DMD: variants seen among roughly 807,000 people sequenced by gnomAD.
DMD encodes mutant dystrophin.
DMD carries 63 observed loss-of-function variants against 330.1 expected under a neutral mutation model. That is an observed-to-expected ratio of 0.19 (90% CI 0.16 to 0.24). The LOEUF (loss-of-function observed/expected upper bound fraction) is 0.24. Among genes scored for constraint, DMD ranks in the 10% least tolerant of loss-of-function variants. The pLI, the probability that DMD is intolerant of heterozygous loss-of-function variation, is 1.00. For missense variants in DMD, 3,344 were observed against 2,684.1 expected (o/e 1.25, Z -5.43); for synonymous variants, 1,223 against 959.8 (o/e 1.27, Z -5.07).
intron 1 of DMD, among the ~76,000 whole-genome samples, chrX:33,261,519 G>A (rs2052954715): frequency 9.2e-6 from 1 of 109,239 alleles, no homozygotes; most frequent in Admixed American, 9.9e-5. Flanking sequence ...TATGGCAAAA[G>A]TTCACCCAGC....
chrX:31,895,317 G>C (rs2094316441), intron 47 of DMD, among the ~76,000 whole-genome samples: 1 of 112,042 alleles, frequency 8.9e-6, no homozygotes, highest in African/African-American at 3.2e-5. Context: ...GTTGGCTCAA[G>C]CTTGACAGTG....
intron 5 of DMD, among the ~76,000 whole-genome samples, chrX:32,823,060 A>T (rs2078406394): frequency 8.9e-6 from 1 of 111,732 alleles, no homozygotes; most frequent in Non-Finnish European, 1.9e-5. Context: ...TTTACCTTAT[A>T]CTTACTCAAT....
intron 44 of DMD, among the ~76,000 whole-genome samples, chrX:31,976,134 T>G (rs925974822): frequency 9.1e-6 from 1 of 109,892 alleles, no homozygotes; most frequent in Non-Finnish European, 1.9e-5. Flanking sequence ...GTAGTTAAAG[T>G]GAGGAAAGAT....
At chrX:32,753,756 C>A (rs2071126705) in intron 7 of DMD, among the ~76,000 whole-genome samples, 1 of 112,056 alleles carries the variant, frequency 8.9e-6, no homozygotes, top group Non-Finnish European at 1.9e-5. Flanking sequence ...ATTTATAATA[C>A]AATGTTAGTT....
chrX:32,398,848 A>C (rs2098065383), intron 30 of DMD, among the ~76,000 whole-genome samples: 1 of 111,798 alleles, frequency 8.9e-6, no homozygotes, highest in Non-Finnish European at 1.9e-5. Flanking sequence ...ATTATACTAC[A>C]CAGCTATAGT....
chrX:33,254,137 G>T (rs1437024684), intron 1 of DMD, among the ~76,000 whole-genome samples: 1 of 104,710 alleles, frequency 9.6e-6, no homozygotes, highest in Admixed American at 9.9e-5. Context: ...CGATATTCTT[G>T]CCAGTTTATA....
At chrX:31,760,140 T>C (rs2089458327) in intron 51 of DMD, among the ~76,000 whole-genome samples, 1 of 112,248 alleles carries the variant, frequency 8.9e-6, no homozygotes, top group Non-Finnish European at 1.9e-5. Context: ...TTTGACCTTT[T>C]CATGAGGATC....
At chrX:32,301,344 T>C (rs760947341) in intron 42 of DMD, among the ~76,000 whole-genome samples, 1 of 110,468 alleles carries the variant, frequency 9.1e-6, no homozygotes, top group Admixed American at 9.7e-5. Context: ...CTGATAACAC[T>C]ATTTAATTTT....
Position 31,709,465 on chromosome X carries a change from T to A in DMD, c.7660+20166A>T, listed in dbSNP as rs760573264. On this transcript the variant is annotated intron_variant, in intron 52 of 78. Transcript: ENST00000357033. ...TTCTTACACATAATTACCATTTTAA[T>A]TTAATCTAGAAAAAATAATAATAGA... Among the ~76,000 whole-genome samples the A allele has an allele frequency of 5.4e-5, 6 of 111,253 alleles. No homozygotes were observed. In the South Asian group the frequency reaches 2.3e-3, roughly 43 times the overall value.
intron 12 of DMD, among the ~76,000 whole-genome samples, chrX:32,598,175 A>G (rs999221891): frequency 8.9e-6 from 1 of 112,411 alleles, no homozygotes; most frequent in Non-Finnish European, 1.9e-5. Flanking sequence ...AGATTTTCAT[A>G]CTACATTTTC....
chrX:31,386,826 T>C (rs888755123), intron 60 of DMD, among the ~76,000 whole-genome samples: 2 of 111,993 alleles, frequency 1.8e-5, no homozygotes, highest in Non-Finnish European at 1.9e-5. Context: ...AGCTCTGCAG[T>C]AGTTTTTTTA....
In DMD at chrX:32,206,729, GTCTC is replaced by G. The variant is rs755105292; in HGVS notation, c.6438+10183_6438+10186del. On this transcript the variant is annotated intron_variant, in intron 44 of 78. Coordinates refer to ENST00000357033, the MANE Select transcript of DMD (RefSeq NM_004006.3). The stretch of plus-strand genomic sequence containing the variant: ...TTCAAGATCTCTGGCAGTGGAGGAA[GTCTC>G]TCTAAGAAAATAGTTTAAACAATTT... The G allele has an allele frequency of 4.4e-3, 2,074 of 475,591 alleles. 3 individuals carry two copies. Among genetic ancestry groups the G allele is most frequent in the Non-Finnish European group, 6.0e-3 (1,568 of 260,113 alleles). 39.2% of individuals were successfully genotyped at this position (475,591 alleles called of 1,213,427 possible).
chrX:32,634,877 G>A (rs566254761), intron 11 of DMD, among the ~76,000 whole-genome samples: 1 of 111,816 alleles, frequency 8.9e-6, no homozygotes, highest in Admixed American at 9.5e-5. Flanking sequence ...TGTATCCCAA[G>A]TCCACTGACT....
In DMD at chrX:31,294,735, G is replaced by T. The variant is rs189332021; in HGVS notation, c.9224+28863C>A. ...TAATCTTAGGGTAACAGTTTTGGGA[G>T]AAGGAGATCCATTCCCTTAAATGAT... is the stretch of plus-strand genomic sequence containing the variant. On this transcript the variant is annotated intron_variant, in intron 62 of 78. Coordinates refer to ENST00000357033, the MANE Select transcript of DMD (RefSeq NM_004006.3). 2.1e-3 allele frequency among the ~76,000 whole-genome samples: 230 copies of T among 112,032 alleles called. 1 individual carries two copies. The highest frequency in any genetic ancestry group is 6.9e-3 in the African/African-American group (212 of 30,819).
At chrX:31,495,220 T>G (rs1301389381) in intron 57 of DMD, among the ~76,000 whole-genome samples, 1 of 108,954 alleles carries the variant, frequency 9.2e-6, no homozygotes, top group African/African-American at 3.3e-5. Context: ...TCCTATATCC[T>G]CTTCTCCAGA....
At chrX:31,409,857 C>T (rs1173977204) in intron 60 of DMD, among the ~76,000 whole-genome samples, 1 of 111,723 alleles carries the variant, frequency 9.0e-6, no homozygotes, top group Non-Finnish European at 1.9e-5. Context: ...CTTGCTCTAT[C>T]GCCCAGGCTG....
At chrX:32,479,577 G>T (rs1046684010) in intron 21 of DMD, among the ~76,000 whole-genome samples, 1 of 109,589 alleles carries the variant, frequency 9.1e-6, no homozygotes, top group Admixed American at 9.9e-5. Flanking sequence ...CCTAATGTCC[G>T]CCAGTTCTAT....
intron 1 of DMD, among the ~76,000 whole-genome samples, chrX:33,126,548 T>A (rs1370094270): frequency 8.9e-6 from 1 of 111,884 alleles, no homozygotes; most frequent in African/African-American, 3.3e-5. Context: ...TGTTCTAATC[T>A]ATCGTCTTCC....
At chrX:31,928,884 G>C (rs184751869) in intron 47 of DMD, among the ~76,000 whole-genome samples, 1 of 111,615 alleles carries the variant, frequency 9.0e-6, no homozygotes, top group Non-Finnish European at 1.9e-5. Flanking sequence ...TCAAATGGAA[G>C]AGGATACAGA....
Sources: gnomAD v4.1 joint callset for allele counts (sites outside exome capture counted in the v4.1 genomes callset) on GRCh38, gnomAD v4.1.1 for gene constraint, MANE v1.5 for transcripts, NCBI Gene and HGNC (gene_info 2026-07-23, HGNC 2026-07-21) for gene names.